Variants in GAPVD1 observed in about 807,000 individuals in gnomAD.
GAPVD1 encodes GTPase activating protein and VPS9 domains 1.
In GAPVD1, 35 loss-of-function variants were observed where a neutral mutation model predicts 155.5. The ratio of observed to expected loss-of-function variants is 0.23; its 90% CI spans 0.17 to 0.30. GAPVD1 has a LOEUF of 0.30. GAPVD1 is among the 10% of genes least tolerant of loss of function. The pLI, the probability that GAPVD1 is intolerant of heterozygous loss-of-function variation, is 1.00. For synonymous variants in GAPVD1, 636 were observed against 619.7 expected, an observed-to-expected ratio of 1.03 and a Z score of -0.39; for missense variants, 1,429 against 1,775.7, an observed-to-expected ratio of 0.80 and a Z score of 3.51.
intron 23 of GAPVD1, among the ~76,000 whole-genome samples, chr9:125,352,044 G>C (rs934739447): frequency 6.6e-6 from 1 of 152,142 alleles, no homozygotes; most frequent in Non-Finnish European, 1.5e-5. Context: ...CCCAGCCAGG[G>C]TTCCCATGGT....
chr9:125,308,622 A>G (rs529171833), intron 8 of GAPVD1: 130 of 152,272 alleles, frequency 8.5e-4, no homozygotes, highest in African/African-American at 3.0e-3. Flanking sequence ...CTATCTGTCT[A>G]TAAAAAAATT....
intron 15 of GAPVD1, chr9:125,335,147 C>G: frequency 1.3e-6 from 1 of 743,258 alleles, no homozygotes; most frequent in Non-Finnish European, 2.5e-6. Context: ...GTTCCTTTTC[C>G]AACTACATGT....
chr9:125,320,976 A>G (rs188071646), intron 9 of GAPVD1, among the ~76,000 whole-genome samples: 72 of 152,284 alleles, frequency 4.7e-4, no homozygotes, highest in Non-Finnish European at 4.3e-4. Context: ...TGACATGACA[A>G]CTGTTTTATG....
At chr9:125,341,111 A>C in intron 17 of GAPVD1, 66 bp from the exon 18 acceptor site, 1 of 868,422 alleles carries the variant, frequency 1.2e-6, no homozygotes, top group South Asian at 1.3e-5. Flanking sequence ...AAACAAAAAG[A>C]AATCCTTTTC....
At position 125,293,831 on chromosome 9, in the gene GAPVD1, AT is replaced by A. The variant is rs1221965407; in HGVS notation, c.-149-1626del. On this transcript the variant is annotated intron_variant, in intron 2 of 27. Coordinates refer to ENST00000297933, the MANE Select transcript of GAPVD1 (RefSeq NM_001282680.3). ...ATATTTATATATGAAATATAAAAAA[AT>A]ATATATATAAAAATATATTTTATAT... 5.0e-3 allele frequency among the ~76,000 whole-genome samples: 596 copies of A among 119,116 alleles called. 7 individuals carry two copies. Among genetic ancestry groups the A allele is most frequent in the South Asian group, 0.011 (41 of 3,842 alleles). 78.1% of individuals were successfully genotyped at this position (119,116 alleles called of 152,430 possible).
At chr9:125,316,141 G>T (rs907094546) in intron 9 of GAPVD1, among the ~76,000 whole-genome samples, 7 of 152,118 alleles carry the variant, frequency 4.6e-5, no homozygotes, top group African/African-American at 1.7e-4. Flanking sequence ...CCAACTAGGG[G>T]TTAAGGGTAT....
intron 2 of GAPVD1, among the ~76,000 whole-genome samples, chr9:125,295,089 TAC>T (rs1839632790): frequency 6.6e-6 from 1 of 151,412 alleles, no homozygotes; most frequent in African/African-American, 2.4e-5. Flanking sequence ...ATAATGAGAG[TAC>T]ACCTGTCACA....
At chr9:125,340,748 C>T (rs1434945017) in intron 17 of GAPVD1, among the ~76,000 whole-genome samples, 4 of 151,966 alleles carry the variant, frequency 2.6e-5, no homozygotes, top group Non-Finnish European at 5.9e-5. Flanking sequence ...ATAGTGCCTG[C>T]CCTCAAGCAG....
At chr9:125,281,156 C>G (rs562562740) in intron 2 of GAPVD1, among the ~76,000 whole-genome samples, 1 of 152,174 alleles carries the variant, frequency 6.6e-6, no homozygotes, top group Non-Finnish European at 1.5e-5. Context: ...CATATGGGAG[C>G]CGTTCCCTTT....
At chr9:125,285,174 A>C (rs1163350763) in intron 2 of GAPVD1, among the ~76,000 whole-genome samples, 1 of 152,220 alleles carries the variant, frequency 6.6e-6, no homozygotes, top group Non-Finnish European at 1.5e-5. Context: ...GCATGAAACC[A>C]GCCATAGATA....
intron 19 of GAPVD1, among the ~76,000 whole-genome samples, chr9:125,345,606 A>G (rs10986716): frequency 0.49 from 74,510 of 152,074 alleles, 18,444 homozygotes; most frequent in Middle Eastern, 0.58. Context: ...CATGAATACC[A>G]TGTGTTTGTT....
In GAPVD1 at chr9:125,330,217, A is replaced by T. The variant is rs1224201417; in HGVS notation, c.2172A>T (p.Ser724=). 6.3e-7 allele frequency: 1 copy of T among 1,587,074 alleles called. No individual in the cohort carries two copies. Among genetic ancestry groups the T allele is most frequent in the South Asian group, 1.1e-5 (1 of 87,064 alleles). The change falls in exon 13 of 28, where the codon TCA becomes TCT. Residue 724 remains serine (S), a splice_region_variant and synonymous_variant. Coordinates refer to ENST00000297933, the MANE Select transcript of GAPVD1 (RefSeq NM_001282680.3). ...GTGTAGAGGTATTGCCAAGTGACTC[A>T]GGTTAGTATGCTGTCATTGTTTGCT... ...AWSVEVLPSD[S]EAPDLKQEER... is the part of the protein sequence containing the mutation.
chr9:125,312,616 T>C lies in GAPVD1; in HGVS notation c.1602+4T>C, dbSNP rs781219383. On this transcript the variant is annotated splice_donor_region_variant and intron_variant, in intron 9 of 27. Transcript: ENST00000297933. ...AGGGATGATGTCAGAAAATGAGGTA[T>C]GAATCAGTTGCTTCTATAAATCAAT... The C allele has an allele frequency of 3.2e-6, 5 of 1,573,902 alleles. No individual in the cohort carries two copies. The highest frequency in any genetic ancestry group is 4.3e-6 in the Non-Finnish European group (5 of 1,166,614).
chr9:125,294,059 T>C (rs1410385797), intron 2 of GAPVD1, among the ~76,000 whole-genome samples: 3 of 148,866 alleles, frequency 2.0e-5, no homozygotes, highest in Admixed American at 6.8e-5. Context: ...ACTACGGGTG[T>C]GCACCACCAT....
intron 4 of GAPVD1, among the ~76,000 whole-genome samples, chr9:125,301,282 C>T (rs140205336): frequency 2.6e-5 from 4 of 152,246 alleles, no homozygotes; most frequent in African/African-American, 9.6e-5. Flanking sequence ...ATTTTCCAGG[C>T]TGGTCTTGAA....
chr9:125,305,806 A>G (rs1339065388), intron 6 of GAPVD1, among the ~76,000 whole-genome samples: 1 of 151,822 alleles, frequency 6.6e-6, no homozygotes, highest in East Asian at 1.9e-4. Context: ...GGGGCACACC[A>G]CCATGCCCGG....
intron 9 of GAPVD1, among the ~76,000 whole-genome samples, chr9:125,319,627 A>G (rs113238335): frequency 0.011 from 1,538 of 142,202 alleles, 20 homozygotes; most frequent in African/African-American, 0.036. Context: ...TTTGAGATGC[A>G]GTCTTGCTCT....
In GAPVD1 at chr9:125,306,720, C is replaced by T. The variant is rs77577918; in HGVS notation, c.1117-693C>T. On this transcript the variant is annotated intron_variant, in intron 6 of 27. Coordinates refer to ENST00000297933, the MANE Select transcript of GAPVD1 (RefSeq NM_001282680.3). ...GTTGCCCCAAGTGGTTTTGAACTTCCGAGCTCAAGCAGTCCACCCACCTTG... is the reference window on the plus strand; with the variant it reads ...GTTGCCCCAAGTGGTTTTGAACTTCTGAGCTCAAGCAGTCCACCCACCTTG... Among the ~76,000 whole-genome samples the T allele has an allele frequency of 5.3e-3, 813 of 152,244 alleles. 4 individuals are homozygous for T. Among genetic ancestry groups the T allele is most frequent in the African/African-American group, 0.018 (764 of 41,556 alleles).
rs1170915072 is a variant in GAPVD1, at chr9:125,332,648, G to T, written c.2428+19G>T. ...ACTCACGGTAAGAGGGGGAAATGAGGATGACTTAAAAAATGACCACATCCG... is the reference window on the plus strand; with the variant it reads ...ACTCACGGTAAGAGGGGGAAATGAGTATGACTTAAAAAATGACCACATCCG... On this transcript the variant is annotated intron_variant, in intron 15 of 27. Transcript: ENST00000297933. The T allele has an allele frequency of 1.9e-6, 3 of 1,599,734 alleles. No individual in the cohort carries two copies. The highest frequency in any genetic ancestry group is 1.7e-6 in the Non-Finnish European group (2 of 1,173,840).
Sources: gnomAD v4.1 joint callset for allele counts (sites outside exome capture counted in the v4.1 genomes callset) on GRCh38, gnomAD v4.1.1 for gene constraint, MANE v1.5 for transcripts, NCBI Gene and HGNC (gene_info 2026-07-23, HGNC 2026-07-21) for gene names.